Variants in CTNNA3 observed in about 807,000 individuals in gnomAD.
CTNNA3 encodes the protein catenin alpha-3.
In CTNNA3, 76 loss-of-function variants were observed where a neutral mutation model predicts 95.7. The ratio of observed to expected loss-of-function variants is 0.79; its 90% CI spans 0.66 to 0.96. CTNNA3 has a LOEUF of 0.96. CTNNA3 is among the 40% of genes least tolerant of loss of function. The pLI is 0.00. For missense variants in CTNNA3, 1,191 were observed against 1,089.8 expected, an observed-to-expected ratio of 1.09 and a Z score of -1.31; for synonymous variants, 431 against 374.4, an observed-to-expected ratio of 1.15 and a Z score of -1.74.
At chr10:66,415,170 C>T (rs1490909100) in intron 11 of CTNNA3, among the ~76,000 whole-genome samples, 1 of 152,152 alleles carries the variant, frequency 6.6e-6, no homozygotes, top group Non-Finnish European at 1.5e-5. Context: ...CCTGTACATG[C>T]CATCTGGGGG....
intron 7 of CTNNA3, among the ~76,000 whole-genome samples, chr10:66,840,410 A>ACACAC (rs1176067893): frequency 4.4e-5 from 5 of 114,696 alleles, no homozygotes; most frequent in African/African-American, 1.8e-4. Flanking sequence ...ACACACACAC[A>ACACAC]CCCCTCGGTA....
At chr10:67,042,439 GT>G (rs1425036135) in intron 7 of CTNNA3, among the ~76,000 whole-genome samples, 2 of 152,114 alleles carry the variant, frequency 1.3e-5, no homozygotes, top group Non-Finnish European at 2.9e-5. Flanking sequence ...CATTATTTGA[GT>G]TTTCCATGTC....
rs77901024 is a variant in CTNNA3, at chr10:66,926,014, C to T, written c.1048-150490G>A. 5.1e-3 allele frequency: 2,320 copies of T among 456,802 alleles called. 50 individuals carry two copies. The highest frequency in any genetic ancestry group is 0.042 in the African/African-American group (2,131 of 50,194). 28.3% of individuals were successfully genotyped at this position (456,802 alleles called of 1,614,324 possible). ...CCACTGGGGGCAGCTTTACATAAGACTGCATTCACTGAAACCAAAGCAACA... is the reference window on the plus strand; with the variant it reads ...CCACTGGGGGCAGCTTTACATAAGATTGCATTCACTGAAACCAAAGCAACA... On this transcript the variant is annotated intron_variant, in intron 7 of 17. Coordinates refer to ENST00000433211, the MANE Select transcript of CTNNA3 (RefSeq NM_013266.4).
intron 13 of CTNNA3, among the ~76,000 whole-genome samples, chr10:66,151,950 T>G (rs142140308): frequency 1.1e-3 from 160 of 152,116 alleles, no homozygotes; most frequent in Middle Eastern, 6.8e-3. Context: ...AAATAAAATT[T>G]ATGTGGCTAC....
At chr10:66,785,762 T>A (rs557199496) in intron 7 of CTNNA3, among the ~76,000 whole-genome samples, 1 of 152,170 alleles carries the variant, frequency 6.6e-6, no homozygotes, top group Non-Finnish European at 1.5e-5. Context: ...AAATCTCCTC[T>A]TATATATGTA....
At chr10:66,953,179 T>C (rs1848627066) in intron 7 of CTNNA3, among the ~76,000 whole-genome samples, 1 of 152,186 alleles carries the variant, frequency 6.6e-6, no homozygotes, top group East Asian at 1.9e-4. Context: ...GCTCATAACT[T>C]AGTTCCCTCA....
intron 7 of CTNNA3, among the ~76,000 whole-genome samples, chr10:67,017,557 T>C (rs1852731918): frequency 6.6e-6 from 1 of 152,180 alleles, no homozygotes; most frequent in East Asian, 1.9e-4. Flanking sequence ...TTAAGAAATA[T>C]ACTGTGATTC....
intron 7 of CTNNA3, among the ~76,000 whole-genome samples, chr10:67,175,096 G>A (rs1862178255): frequency 8.1e-5 from 1 of 12,302 alleles, no homozygotes; most frequent in African/African-American, 3.2e-4. Context: ...AGAAAGGAAG[G>A]GAGGGAGGAA....
intron 6 of CTNNA3, among the ~76,000 whole-genome samples, chr10:67,202,278 T>C (rs1260935149): frequency 6.6e-6 from 1 of 151,156 alleles, no homozygotes; most frequent in Non-Finnish European, 1.5e-5. Flanking sequence ...ATGGCTAGAT[T>C]TGGAAAACCC....
chr10:67,439,231 G>C (rs980213243), intron 5 of CTNNA3, among the ~76,000 whole-genome samples: 1 of 152,126 alleles, frequency 6.6e-6, no homozygotes, highest in African/African-American at 2.4e-5. Context: ...GCATCAGGCA[G>C]AGTCCTGAGG....
At chr10:66,779,264 C>T (rs1478696335) in intron 7 of CTNNA3, among the ~76,000 whole-genome samples, 1 of 152,124 alleles carries the variant, frequency 6.6e-6, no homozygotes, top group Non-Finnish European at 1.5e-5. Context: ...AACTCAAGAA[C>T]TCTGCTAGTA....
At chr10:66,663,339 C>A (rs148216177) in intron 9 of CTNNA3, among the ~76,000 whole-genome samples, 1 of 151,936 alleles carries the variant, frequency 6.6e-6, no homozygotes, top group Non-Finnish European at 1.5e-5. Flanking sequence ...CTTTCACATA[C>A]CTCAGAATTT....
chr10:65,954,103 C>T (rs1388614043), intron 17 of CTNNA3, among the ~76,000 whole-genome samples: 2 of 152,100 alleles, frequency 1.3e-5, no homozygotes, highest in Admixed American at 6.6e-5. Flanking sequence ...TGGTATCTCA[C>T]TGTGGTTTTG....
chr10:66,820,323 T>C (rs1364839195), intron 7 of CTNNA3, among the ~76,000 whole-genome samples: 1 of 151,316 alleles, frequency 6.6e-6, no homozygotes, highest in African/African-American at 2.4e-5. Flanking sequence ...CTGCTGGGGG[T>C]GAGGGTAAGA....
At chr10:66,760,087 G>C (rs1016893442) in intron 9 of CTNNA3, among the ~76,000 whole-genome samples, 3 of 152,072 alleles carry the variant, frequency 2.0e-5, no homozygotes, top group Non-Finnish European at 4.4e-5. Flanking sequence ...AATAAGTTAG[G>C]TTTAAATGCA....
At chr10:66,028,075 C>T (rs1031652240) in intron 15 of CTNNA3, among the ~76,000 whole-genome samples, 10 of 152,064 alleles carry the variant, frequency 6.6e-5, no homozygotes, top group South Asian at 4.1e-4. Flanking sequence ...ATATGAACAG[C>T]GATCCAAGCA....
chr10:67,178,176 C>A (rs978336489), intron 7 of CTNNA3, among the ~76,000 whole-genome samples: 1 of 152,128 alleles, frequency 6.6e-6, no homozygotes, highest in Non-Finnish European at 1.5e-5. Context: ...CTTGTGGGGG[C>A]CTTGGCACAC....
At chr10:66,869,504 C>T (rs1916387) in intron 7 of CTNNA3, among the ~76,000 whole-genome samples, 21,288 of 151,782 alleles carry the variant, frequency 0.14, 1,927 homozygotes, top group African/African-American at 0.26. Flanking sequence ...ACCCGGGAGG[C>T]GGAGGTTGCA....
rs1184115484 is a variant in CTNNA3 at position 66,384,213 on chromosome 10, A to G, written c.1532-4861T>C. Among the ~76,000 whole-genome samples, 3 of 152,336 alleles carry G rather than the reference A, an allele frequency of 2.0e-5. No homozygotes were observed. The East Asian group carries it at 5.8e-4, about 29-fold the overall frequency. On this transcript the variant is annotated intron_variant, in intron 11 of 17. Coordinates refer to ENST00000433211, the MANE Select transcript of CTNNA3 (RefSeq NM_013266.4). ...TATTCAGGAGACCCACCTCATGTGC[A>G]AAGATGCATATAGGCTCAAAATAAA...
Sources: allele counts gnomAD v4.1 joint callset (sites outside exome capture counted in the v4.1 genomes callset), GRCh38; gene constraint gnomAD v4.1.1; transcripts MANE v1.5; gene names NCBI Gene and HGNC (gene_info 2026-07-23, HGNC 2026-07-21).